The following HTT variants were observed in gnomAD, a reference collection of about 807,000 sequenced individuals.
The protein encoded by HTT is huntingtin, also known as huntington disease protein.
In HTT, 104 loss-of-function variants were observed where a neutral mutation model predicts 362.3. The observed-to-expected ratio is 0.29, with a 90% CI of 0.24 to 0.34. The LOEUF is 0.34. Among genes scored for constraint, HTT ranks in the 10% least tolerant of loss-of-function variants. HTT has a pLI of 1.00. For synonymous variants in HTT, 1,577 were observed against 1,548.7 expected (o/e 1.02, Z -0.43); for missense variants, 3,301 against 3,928.6 (o/e 0.84, Z 4.27).
At chr4:3,180,679 G>T (rs200736126) in intron 36 of HTT, 28 bp downstream of exon 36, 8 of 1,600,766 alleles carry the variant, frequency 5.0e-6, no homozygotes, top group South Asian at 1.1e-5. Flanking sequence ...TGGAACTGTC[G>T]TGGATACTTT....
At chr4:3,136,077 C>T in intron 20 of HTT, 110 bp downstream of exon 20, 1 of 932,440 alleles carries the variant, frequency 1.1e-6, no homozygotes, top group East Asian at 2.5e-5. Context: ...ATGTTTATTT[C>T]ACAGTTTATA....
At chr4:3,222,164 T>C (rs2071662) in intron 53 of HTT, among the ~76,000 whole-genome samples, 71,262 of 152,194 alleles carry the variant, frequency 0.47, 17,320 homozygotes, top group African/African-American at 0.58. Flanking sequence ...CTGCCTCTCA[T>C]GTGTCTCGGA....
intron 3 of HTT, among the ~76,000 whole-genome samples, chr4:3,103,117 C>T (rs1406282412): frequency 2.0e-5 from 3 of 151,464 alleles, no homozygotes; most frequent in Non-Finnish European, 4.4e-5. Flanking sequence ...TCCAGGGTGC[C>T]GTCTGAGCCC....
intron 2 of HTT, among the ~76,000 whole-genome samples, chr4:3,092,413 C>G (rs1308683786): frequency 6.6e-6 from 1 of 152,144 alleles, no homozygotes; most frequent in African/African-American, 2.4e-5. Context: ...GAGACAGGAT[C>G]TTACTCTGTC....
At chr4:3,131,255 A>G in intron 14 of HTT, 31 bp from the exon 15 acceptor site, 1 of 1,471,470 alleles carries the variant, frequency 6.8e-7, no homozygotes, top group Non-Finnish European at 9.5e-7. Context: ...GTTGAGTATG[A>G]GACAAACAAG....
At chr4:3,225,807 C>T (rs1720884173) in intron 57 of HTT, 64 bp downstream of exon 57, 2 of 1,214,896 alleles carry the variant, frequency 1.6e-6, no homozygotes, top group East Asian at 5.0e-5. Flanking sequence ...TGGCGCTTGA[C>T]ACACCCAGGA....
chr4:3,235,864 G>A (rs1219526076), intron 63 of HTT, 86 bp downstream of exon 63: 7 of 1,049,686 alleles, frequency 6.7e-6, no homozygotes, highest in African/African-American at 1.6e-5. Context: ...ACCTCGACTA[G>A]GTGCCCTCTG....
Position 3,174,979 on chromosome 4 carries a change from C to A in HTT, c.4279C>A (p.Pro1427Thr). The change falls in exon 33 of 67, where the codon CCT becomes ACT. Residue 1427 changes from proline to threonine, a missense_variant. Coordinates refer to ENST00000355072, the MANE Select transcript of HTT (RefSeq NM_001388492.1). ...AIHNHIRLFE[P>T]LVIKALKQYT... ...TCATAATCACATTCGTTTGTTTGAA[C>A]CTCTTGTTATAAAAGCTTTAAAACA... 7 of 1,607,280 alleles carry A rather than the reference C, an allele frequency of 4.4e-6. No individual in the cohort carries two copies. Among genetic ancestry groups the A allele is most frequent in the Non-Finnish European group, 6.0e-6 (7 of 1,175,234 alleles).
chr4:3,238,402 C>T (rs371532912), intron 64 of HTT, 45 bp from the exon 65 acceptor site: 14 of 1,496,692 alleles, frequency 9.4e-6, no homozygotes, highest in Non-Finnish European at 1.2e-5. Context: ...GGTGGGGCAG[C>T]TGTGGGAGCT....
intron 8 of HTT, among the ~76,000 whole-genome samples, chr4:3,120,213 G>C (rs1337340669): frequency 6.6e-6 from 1 of 152,122 alleles, no homozygotes; most frequent in Non-Finnish European, 1.5e-5. Flanking sequence ...TAAAAATACA[G>C]AATACCAGTG....
chr4:3,156,267 A>T (rs1477614738), intron 27 of HTT, among the ~76,000 whole-genome samples: 1 of 152,088 alleles, frequency 6.6e-6, no homozygotes, highest in Non-Finnish European at 1.5e-5. Flanking sequence ...TTACAGGCAC[A>T]TGCTACTGCA....
rs752099005 is a variant in HTT, at chr4:3,086,922, CT to C, written c.264-9del. 43 of 1,475,774 alleles carry C rather than the reference CT, an allele frequency of 2.9e-5. No homozygotes were observed. The highest frequency in any genetic ancestry group is 3.6e-5 in the Non-Finnish European group (38 of 1,056,860). 91.4% of individuals were successfully genotyped at this position (1,475,774 alleles called of 1,614,324 possible). A position where few individuals can be genotyped will look rare whatever the true frequency, so the allele number is the denominator to read the frequency against. On this transcript the variant is annotated splice_polypyrimidine_tract_variant and intron_variant, in intron 1 of 66. Transcript: ENST00000355072. ...TAATTCAACACATATTAATTTCCTT[CT>C]TTTTTTTATTTTTAGAAAGAAAGAA...
intron 23 of HTT, among the ~76,000 whole-genome samples, chr4:3,143,344 G>A (rs1202135767): frequency 2.0e-5 from 3 of 150,750 alleles, no homozygotes; most frequent in Admixed American, 6.6e-5. Flanking sequence ...GGCTGAGGCA[G>A]GAGAATCGCT....
intron 12 of HTT, chr4:3,129,653 C>T: frequency 6.7e-6 from 2 of 300,382 alleles, no homozygotes; most frequent in Middle Eastern, 1.0e-3. Context: ...TGGGTTTTTT[C>T]TTTTTCATAT....
chr4:3,152,199 A>G (rs1416310805), intron 26 of HTT, among the ~76,000 whole-genome samples: 3 of 151,890 alleles, frequency 2.0e-5, no homozygotes, highest in African/African-American at 7.3e-5. Context: ...CCCAGGTTCA[A>G]GTGATTCTCC....
At position 3,074,907 on chromosome 4, in the gene HTT, CA is replaced by C; in HGVS notation, c.83del (p.Gln28ArgfsTer73). 6.6e-7 allele frequency: 1 copy of C among 1,505,638 alleles called. No homozygotes were observed. The highest frequency in any genetic ancestry group is 2.7e-5 in the East Asian group (1 of 36,910). The allele number at this position is 1,505,638 out of a possible 1,614,324, so 93.3% of individuals were successfully genotyped here. ...QQQQQQQQQQ[Q>X]QQQQQQQQQQ... ...GCAGCAGCAGCAGCAGCAGCAGCAGCAGCAGCAGCAGCAGCAGCAGCAGCAG... is the reference window on the plus strand; with the variant it reads ...GCAGCAGCAGCAGCAGCAGCAGCAGCGCAGCAGCAGCAGCAGCAGCAGCAG... On this transcript the variant is annotated frameshift_variant, in exon 1 of 67. Transcript: ENST00000355072. LOFTEE classifies it high-confidence loss of function.
chr4:3,216,349 A>G (rs1667480778), intron 51 of HTT, among the ~76,000 whole-genome samples: 1 of 152,084 alleles, frequency 6.6e-6, no homozygotes, highest in South Asian at 2.1e-4. Context: ...ATATGAAAAC[A>G]CCCACCTCCC....
At chr4:3,125,725 C>G (rs1484486447) in intron 11 of HTT, 96 bp downstream of exon 11, 1 of 860,148 alleles carries the variant, frequency 1.2e-6, no homozygotes, top group Admixed American at 1.8e-5. Context: ...GTGGACAGCA[C>G]GACTGGGGGC....
chr4:3,127,658 A>G, intron 12 of HTT, 54 bp downstream of exon 12: 2 of 1,337,696 alleles, frequency 1.5e-6, no homozygotes, highest in South Asian at 1.3e-5. Context: ...TTTGAGACAG[A>G]GTCTCACTCC....
Sources: allele counts gnomAD v4.1 joint callset (sites outside exome capture counted in the v4.1 genomes callset), GRCh38; gene constraint gnomAD v4.1.1; transcripts MANE v1.5; gene names NCBI Gene and HGNC (gene_info 2026-07-23, HGNC 2026-07-21).